The following AP5Z1 variants were observed in gnomAD, a reference collection of about 807,000 sequenced individuals.
AP5Z1 encodes AP-5 complex subunit zeta-1.
Under a neutral mutation model 83.0 loss-of-function variants are expected in AP5Z1, and 106 were observed. The ratio of observed to expected loss-of-function variants is 1.28; its 90% CI spans 1.09 to 1.50. The LOEUF (loss-of-function observed/expected upper bound fraction) is 1.50, where lower values mean the gene tolerates loss of function less well. Ranked by LOEUF, AP5Z1 falls within the 40% of genes most tolerant of loss-of-function variation. AP5Z1 has a pLI of 0.00. For synonymous variants in AP5Z1, 751 were observed against 514.1 expected, an observed-to-expected ratio of 1.46 and a Z score of -6.23; for missense variants, 1,565 against 1,094.2, an observed-to-expected ratio of 1.43 and a Z score of -6.07.
Position 4,785,612 on chromosome 7 carries a change from C to T in AP5Z1, c.1060C>T (p.His354Tyr). The change falls in exon 9 of 17, where the codon CAC becomes TAC. Residue 354 changes from histidine (H) to tyrosine (Y), a missense_variant. Physicochemically the swap from His to Tyr is moderately conservative, Grantham distance 83 (BLOSUM62 2). Transcript: ENST00000649063. Reference protein sequence around the residue: ...YRSLSCLKALHGRVRGDPASV... With the variant: ...YRSLSCLKALYGRVRGDPASV... ...AAGTCTCTCCTGCCTGAAGGCCCTG[C>T]ACGGGCGGGTGCGCGGGGACCCGGC... 6.3e-7 allele frequency: 1 copy of T among 1,588,238 alleles called. No homozygotes were observed. Among genetic ancestry groups the T allele is most frequent in the Non-Finnish European group, 8.5e-7 (1 of 1,169,896 alleles).
intron 3 of AP5Z1, among the ~76,000 whole-genome samples, chr7:4,782,951 G>A (rs751453565): frequency 4.6e-5 from 7 of 152,238 alleles, no homozygotes; most frequent in Non-Finnish European, 8.8e-5. Context: ...TCAGCACCTG[G>A]GTGTGCAGAG....
intron 11 of AP5Z1, 52 bp from the exon 12 acceptor site, chr7:4,788,102 C>T: frequency 6.8e-7 from 1 of 1,470,694 alleles, no homozygotes; most frequent in Non-Finnish European, 9.0e-7. Context: ...CGGGGGTGCC[C>T]TTGAGTGCAG....
At chr7:4,785,350 CT>C in intron 7 of AP5Z1, 64 bp from the exon 8 acceptor site, 1 of 1,570,438 alleles carries the variant, frequency 6.4e-7, no homozygotes, top group Non-Finnish European at 8.7e-7. Context: ...AGAGCACAAG[CT>C]GCCCCCTCAT....
chr7:4,779,445 CATT>C lies in AP5Z1; in HGVS notation c.42-1727_42-1725del, dbSNP rs1392742644. 9.0e-5 allele frequency among the ~76,000 whole-genome samples: 13 copies of C among 144,272 alleles called. No homozygotes were observed. The East Asian group carries it at 2.0e-3, about 22-fold the overall frequency. 94.6% of individuals were successfully genotyped at this position (144,272 alleles called of 152,430 possible). On this transcript the variant is annotated intron_variant, in intron 1 of 16. Transcript: ENST00000649063. ...TATATATCATATATAACATATATAA[CATT>C]ATATATAACATATATATTATATTAT... is the stretch of plus-strand genomic sequence containing the variant.
intron 13 of AP5Z1, among the ~76,000 whole-genome samples, chr7:4,789,582 G>A (rs963766599): frequency 2.6e-5 from 4 of 152,344 alleles, no homozygotes; most frequent in East Asian, 1.9e-4. Context: ...CTTGCAGAGC[G>A]GGAGTTGGCA....
At chr7:4,790,367 G>A (rs753123201) in intron 14 of AP5Z1, 92 bp from the exon 15 acceptor site, 1 of 1,588,162 alleles carries the variant, frequency 6.3e-7, no homozygotes, top group East Asian at 2.3e-5. Context: ...CTACCACTCA[G>A]ACGCTTCCCG....
rs564020368 is a variant in AP5Z1, at chr7:4,785,357, C to A, written c.932-58C>A. 3.2e-5 allele frequency: 50 copies of A among 1,581,086 alleles called. No individual in the cohort carries two copies. The African/African-American group carries it at 5.8e-4, about 18-fold the overall frequency. Reference sequence around the variant, plus strand: ...GAGCTTCCAGAGCACAAGCTGCCCCCTCATTGGGCCACTCTAAGGCTGAGA... The same window carrying A: ...GAGCTTCCAGAGCACAAGCTGCCCCATCATTGGGCCACTCTAAGGCTGAGA... On this transcript the variant is annotated intron_variant, in intron 7 of 16. Transcript: ENST00000649063.
At chr7:4,775,801 C>T in intron 1 of AP5Z1, 45 bp downstream of exon 1, 1 of 1,594,290 alleles carries the variant, frequency 6.3e-7, no homozygotes, top group Non-Finnish European at 8.5e-7. Context: ...GCATCTCTCC[C>T]TAGGGGCACA....
Position 4,791,382 on chromosome 7 carries a change from G to A in AP5Z1, c.2421G>A (p.Gly807=). The change falls in exon 17 of 17, where the codon GGG becomes GGA. Residue 807 remains glycine (G), a synonymous_variant. Transcript: ENST00000649063. ...AGAGGGAGGCCGGCCTCATGCCAGG[G>A]TGAAGGGACAGTGGCCAGGGACTTC... is the stretch of plus-strand genomic sequence containing the variant. ...LVEREAGLMP[G] 6.2e-7 allele frequency: 1 copy of A among 1,603,992 alleles called. No individual in the cohort carries two copies. Among genetic ancestry groups the A allele is most frequent in the Non-Finnish European group, 8.5e-7 (1 of 1,175,484 alleles).
chr7:4,785,760 C>CCTT, intron 9 of AP5Z1, 76 bp downstream of exon 9: 1 of 1,140,588 alleles, frequency 8.8e-7, no homozygotes, highest in Non-Finnish European at 1.1e-6. Context: ...TTCTTCTTCC[C>CCTT]TTTTTTTTTT....
chr7:4,784,099 T>A, intron 5 of AP5Z1, 104 bp from the exon 6 acceptor site: 2 of 1,366,262 alleles, frequency 1.5e-6, no homozygotes, highest in South Asian at 1.4e-5. Context: ...CCCGGGCTCA[T>A]GTTCAGGCAG....
chr7:4,784,800 G>A (rs1184670828), intron 6 of AP5Z1, 108 bp from the exon 7 acceptor site: 4 of 1,414,990 alleles, frequency 2.8e-6, no homozygotes, highest in Non-Finnish European at 2.8e-6. Context: ...ACGCCTCCCG[G>A]GAGGGGCTGC....
At chr7:4,787,363 G>A (rs1197186207) in intron 10 of AP5Z1, among the ~76,000 whole-genome samples, 1 of 152,122 alleles carries the variant, frequency 6.6e-6, no homozygotes, top group Non-Finnish European at 1.5e-5. Flanking sequence ...GTGTGTGCCT[G>A]TAGTCTCAGC....
Position 4,784,905 on chromosome 7 carries a change from C to T in AP5Z1, c.791-3C>T, listed in dbSNP as rs1480152137. 3 of 1,607,980 alleles carry T rather than the reference C, an allele frequency of 1.9e-6. No individual in the cohort carries two copies. The highest frequency in any genetic ancestry group is 2.6e-6 in the Non-Finnish European group (3 of 1,176,432). On this transcript the variant is annotated splice_region_variant and splice_polypyrimidine_tract_variant and intron_variant, in intron 6 of 16. Transcript: ENST00000649063. Reference sequence around the variant, plus strand: ...GCCTGCTGAGAGTTCCCACCTCCCGCAGATGACAGGTCAGAGCAGGAGGGC... The same window carrying T: ...GCCTGCTGAGAGTTCCCACCTCCCGTAGATGACAGGTCAGAGCAGGAGGGC...
In AP5Z1 at chr7:4,783,355, G is replaced by T; in HGVS notation, c.406G>T (p.Val136Leu). 3 of 1,613,090 alleles carry T rather than the reference G, an allele frequency of 1.9e-6. No individual in the cohort carries two copies. Among genetic ancestry groups the T allele is most frequent in the Non-Finnish European group, 2.5e-6 (3 of 1,179,730 alleles). ...NEEVRAVGQGVLRALESRQPE... is the reference protein window; with the variant it reads ...NEEVRAVGQGLLRALESRQPE... ...GGAGGTCAGAGCCGTGGGCCAGGGC[G>T]TGCTACGAGCGCTGGAGAGCCGGCA... Residue 136 changes from valine to leucine, a missense_variant, in exon 4 of 17, where the codon GTG (valine) becomes TTG (leucine). Physicochemically the swap from Val to Leu is conservative, Grantham distance 32. Transcript: ENST00000649063.
rs759816827 is a variant in AP5Z1 at position 4,790,365 on chromosome 7, C to T, written c.1806-94C>T. The T allele has an allele frequency of 6.3e-6, 10 of 1,585,392 alleles. No individual in the cohort carries two copies. In the East Asian group the frequency reaches 2.1e-4, roughly 33 times the overall value. On this transcript the variant is annotated intron_variant, in intron 14 of 16. Transcript: ENST00000649063. ...GAGGGTGCAGCATACACCTACCACT[C>T]AGACGCTTCCCGGGTTTCTCCAGGC...
rs1292289534 is a variant in AP5Z1, at chr7:4,789,892, C to A, written c.1768C>A (p.Leu590Ile). The A allele has an allele frequency of 2.6e-6, 4 of 1,551,334 alleles. No individual in the cohort carries two copies. Among genetic ancestry groups the A allele is most frequent in the Non-Finnish European group, 3.5e-6 (4 of 1,147,738 alleles). Residue 590 changes from leucine (L) to isoleucine (I), a missense_variant, in exon 14 of 17, where the codon CTC becomes ATC. Transcript: ENST00000649063. ...ALLLLGRSDS[L>I]YPAPGYAAGV... is the part of the protein sequence containing the mutation. ...GCTGCTCCTGGGCAGGAGCGACTCG[C>A]TCTACCCGGCCCCAGGGTACGCTGC... is the stretch of plus-strand genomic sequence containing the variant.
chr7:4,789,776 C>G (rs767555536), intron 13 of AP5Z1, 56 bp from the exon 14 acceptor site: 153 of 1,438,950 alleles, frequency 1.1e-4, no homozygotes, highest in Non-Finnish European at 1.4e-4. Flanking sequence ...TCACCCCCAA[C>G]CTTAGGGCCT....
intron 1 of AP5Z1, among the ~76,000 whole-genome samples, chr7:4,776,341 A>G (rs769191431): frequency 4.6e-5 from 7 of 151,910 alleles, no homozygotes; most frequent in South Asian, 2.1e-4. Context: ...CTAACCAGTC[A>G]TGGGGGAAAA....
Sources: gnomAD v4.1 joint callset for allele counts (sites outside exome capture counted in the v4.1 genomes callset) on GRCh38, gnomAD v4.1.1 for gene constraint, MANE v1.5 for transcripts, NCBI Gene and HGNC (gene_info 2026-07-23, HGNC 2026-07-21) for gene names.